B3GAT2: variants seen among roughly 807,000 people sequenced by gnomAD.
B3GAT2 encodes the protein galactosylgalactosylxylosylprotein 3-beta-glucuronosyltransferase 2.
In B3GAT2, 26 loss-of-function variants were observed where a neutral mutation model predicts 27.8. That is an observed-to-expected ratio of 0.93 (90% CI 0.68 to 1.30). The LOEUF (loss-of-function observed/expected upper bound fraction) is 1.30, where lower values mean the gene tolerates loss of function less well. Ranked by LOEUF, B3GAT2 falls within the 50% of genes most tolerant of loss-of-function variation. The pLI is 0.00. For missense variants in B3GAT2, 458 were observed against 459.0 expected (o/e 1.00, Z 0.02); for synonymous variants, 218 against 195.1 (o/e 1.12, Z -0.98).
At chr6:70,872,037 C>T (rs2504751) in intron 2 of B3GAT2, among the ~76,000 whole-genome samples, 47,816 of 151,812 alleles carry the variant, frequency 0.31, 8,633 homozygotes, top group Middle Eastern at 0.39. Context: ...TTTCTGATTT[C>T]ATTCCAGTAT....
chr6:70,898,446 A>G (rs939098379), intron 1 of B3GAT2, among the ~76,000 whole-genome samples: 1 of 152,200 alleles, frequency 6.6e-6, no homozygotes, highest in African/African-American at 2.4e-5. Context: ...ACATACTCAG[A>G]AAGTAAAAAT....
chr6:70,928,145 A>G (rs1268994746), intron 1 of B3GAT2, among the ~76,000 whole-genome samples: 4 of 152,212 alleles, frequency 2.6e-5, no homozygotes, highest in African/African-American at 9.7e-5. Context: ...ACGAGAACAA[A>G]GACACAACAT....
intron 2 of B3GAT2, among the ~76,000 whole-genome samples, chr6:70,868,501 A>G (rs1478391830): frequency 6.6e-6 from 1 of 152,192 alleles, no homozygotes; most frequent in African/African-American, 2.4e-5. Flanking sequence ...CTCCAACTAT[A>G]CATCATCTAA....
chr6:70,955,998 C>T lies in B3GAT2; in HGVS notation c.432G>A (p.Thr144=). 6.9e-7 allele frequency: 1 copy of T among 1,457,988 alleles called. No homozygotes were observed. The highest frequency in any genetic ancestry group is 1.4e-5 in the South Asian group (1 of 69,624). The allele number at this position is 1,457,988 out of a possible 1,614,324, so 90.3% of individuals were successfully genotyped here. Residue 144 remains threonine (T), a synonymous_variant, in exon 1 of 4, where the codon ACG becomes ACA. Coordinates refer to ENST00000230053, the MANE Select transcript of B3GAT2 (RefSeq NM_080742.3). ...GLPSTHLHVP[T]PRRYKRPGLP... is the part of the protein sequence containing the mutation. ...GCCCGGGCCGCTTGTAGCGCCGCGG[C>T]GTGGGCACGTGCAGGTGAGTGCTGG... is the stretch of plus-strand genomic sequence containing the variant.
At chr6:70,884,164 T>C (rs961685499) in intron 2 of B3GAT2, among the ~76,000 whole-genome samples, 1 of 148,126 alleles carries the variant, frequency 6.8e-6, no homozygotes, top group Non-Finnish European at 1.5e-5. Flanking sequence ...TCAGAGACTA[T>C]ATGGTCTCTT....
In B3GAT2 at chr6:70,881,529, C is replaced by A. The variant is rs1474505902; in HGVS notation, c.736+12599G>T. 2.0e-5 allele frequency among the ~76,000 whole-genome samples: 3 copies of A among 152,290 alleles called. No homozygotes were observed. The East Asian group carries it at 5.8e-4, about 29-fold the overall frequency. On this transcript the variant is annotated intron_variant, in intron 2 of 3. Coordinates refer to ENST00000230053, the MANE Select transcript of B3GAT2 (RefSeq NM_080742.3). ...CTGTGGCCACTTTGAGCGGTTTCCA[C>A]AGAAAAACCAGGGAGTTACTCAGGG... is the stretch of plus-strand genomic sequence containing the variant.
At chr6:70,929,253 C>G (rs1334512617) in intron 1 of B3GAT2, among the ~76,000 whole-genome samples, 1 of 151,790 alleles carries the variant, frequency 6.6e-6, no homozygotes, top group Non-Finnish European at 1.5e-5. Context: ...ATGTAAATGA[C>G]GAGTTAATGG....
chr6:70,920,056 G>A (rs2262694), intron 1 of B3GAT2, among the ~76,000 whole-genome samples: 72,733 of 152,008 alleles, frequency 0.48, 17,712 homozygotes, highest in East Asian at 0.6. Context: ...AGTGGGCTCC[G>A]TCCAGTTCAA....
Position 70,956,526 on chromosome 6 carries a change from G to A in B3GAT2, c.-97C>T. The stretch of plus-strand genomic sequence containing the variant: ...CAGCGGCGGCGCCAGCACTTAGGGA[G>A]TGGTGATGGGTGCGCTGTCCATGGG... On this transcript the variant is annotated 5_prime_UTR_variant, in exon 1 of 4. Transcript: ENST00000230053. The A allele has an allele frequency of 6.6e-7, 1 of 1,522,338 alleles. No individual in the cohort carries two copies. 94.3% of individuals were successfully genotyped at this position (1,522,338 alleles called of 1,614,324 possible).
chr6:70,928,053 T>C (rs925017641), intron 1 of B3GAT2, among the ~76,000 whole-genome samples: 1 of 152,082 alleles, frequency 6.6e-6, no homozygotes. Flanking sequence ...CACAACTACA[T>C]GGAAACTGAA....
chr6:70,907,340 G>A (rs755661660), intron 1 of B3GAT2, among the ~76,000 whole-genome samples: 88 of 152,316 alleles, frequency 5.8e-4, no homozygotes, highest in Non-Finnish European at 1.1e-3. Context: ...TGTGATGGCT[G>A]AACTACAGCA....
At chr6:70,917,016 T>A (rs190914664) in intron 1 of B3GAT2, among the ~76,000 whole-genome samples, 1 of 152,144 alleles carries the variant, frequency 6.6e-6, no homozygotes, top group South Asian at 2.1e-4. Context: ...TGGCTGTGAG[T>A]CTGTCTGGTC....
At chr6:70,936,800 A>G (rs1765289501) in intron 1 of B3GAT2, among the ~76,000 whole-genome samples, 1 of 152,204 alleles carries the variant, frequency 6.6e-6, no homozygotes, top group Non-Finnish European at 1.5e-5. Context: ...AAGAGAAAGC[A>G]GGAAAGATCC....
chr6:70,872,293 T>C (rs891528941), intron 2 of B3GAT2, among the ~76,000 whole-genome samples: 1 of 151,956 alleles, frequency 6.6e-6, no homozygotes, highest in African/African-American at 2.4e-5. Context: ...GGGATGTTGA[T>C]AGTTGCAATG....
At chr6:70,943,819 GA>G (rs1484668934) in intron 1 of B3GAT2, among the ~76,000 whole-genome samples, 6 of 152,090 alleles carry the variant, frequency 3.9e-5, no homozygotes, top group African/African-American at 1.4e-4. Context: ...AGGAATTGGG[GA>G]AATGTTTGGT....
chr6:70,871,445 T>G (rs1771935577), intron 2 of B3GAT2, among the ~76,000 whole-genome samples: 1 of 151,930 alleles, frequency 6.6e-6, no homozygotes, highest in Non-Finnish European at 1.5e-5. Flanking sequence ...TATAGGCCTA[T>G]TTAGATTTTT....
chr6:70,911,894 AT>A (rs959303711), intron 1 of B3GAT2, among the ~76,000 whole-genome samples: 1 of 152,004 alleles, frequency 6.6e-6, no homozygotes, highest in Non-Finnish European at 1.5e-5. Context: ...TAGGTATTTT[AT>A]TTTTTGTGTG....
In B3GAT2 at chr6:70,884,203, G is replaced by A. The variant is rs139486086; in HGVS notation, c.736+9925C>T. Reference sequence around the variant, plus strand: ...TCCTAGGTGGAGCTCAAGTGTGGGTGTTTTTTCAAAGCCCCTTGCCATTTT... The same window carrying A: ...TCCTAGGTGGAGCTCAAGTGTGGGTATTTTTTCAAAGCCCCTTGCCATTTT... On this transcript the variant is annotated intron_variant, in intron 2 of 3. Transcript: ENST00000230053. 8.1e-3 allele frequency among the ~76,000 whole-genome samples: 1,230 copies of A among 151,932 alleles called. 33 individuals carry two copies. Among genetic ancestry groups the A allele is most frequent in the Admixed American group, 0.053 (802 of 15,264 alleles).
intron 1 of B3GAT2, among the ~76,000 whole-genome samples, chr6:70,928,498 G>A (rs982646856): frequency 6.6e-6 from 1 of 152,106 alleles, no homozygotes; most frequent in African/African-American, 2.4e-5. Flanking sequence ...GAATGATAAA[G>A]GGGGTATCAC....
Sources: allele counts gnomAD v4.1 joint callset (sites outside exome capture counted in the v4.1 genomes callset), GRCh38; gene constraint gnomAD v4.1.1; transcripts MANE v1.5; gene names NCBI Gene and HGNC (gene_info 2026-07-23, HGNC 2026-07-21).